The following RTN1 variants were observed in gnomAD, a reference collection of about 807,000 sequenced individuals.
RTN1 encodes reticulon 1, also known as reticulon-1.
A neutral mutation model predicts 65.5 loss-of-function variants in RTN1; 25 were observed. The observed-to-expected ratio is 0.38, with a 90% CI of 0.28 to 0.53. The LOEUF (loss-of-function observed/expected upper bound fraction) is 0.53, where lower values mean the gene tolerates loss of function less well. RTN1 is among the 20% of genes least tolerant of loss of function. The pLI is 0.79. For missense variants in RTN1, 983 were observed against 1,025.4 expected, an observed-to-expected ratio of 0.96 and a Z score of 0.57; for synonymous variants, 471 against 447.6, an observed-to-expected ratio of 1.05 and a Z score of -0.66.
intron 1 of RTN1, among the ~76,000 whole-genome samples, chr14:59,818,520 C>T (rs991505507): frequency 5.3e-5 from 8 of 152,304 alleles, no homozygotes; most frequent in East Asian, 1.9e-4. Context: ...ATTCAAAATA[C>T]TTATTTAATA....
Position 59,621,887 on chromosome 14 carries a change from T to C in RTN1, c.1766-14395A>G, listed in dbSNP as rs1882262848. Among the ~76,000 whole-genome samples, 3 of 152,354 alleles carry C rather than the reference T, an allele frequency of 2.0e-5. No homozygotes were observed. In the South Asian group the frequency reaches 6.2e-4, roughly 32 times the overall value. On this transcript the variant is annotated intron_variant, in intron 3 of 8. Transcript: ENST00000267484. The stretch of plus-strand genomic sequence containing the variant: ...TTTATTTATAAGGTAAAATGTGACA[T>C]AAGCGGATACTATAAAATAGCAATA...
intron 1 of RTN1, among the ~76,000 whole-genome samples, chr14:59,756,743 AT>A (rs1459119230): frequency 6.6e-6 from 1 of 152,020 alleles, no homozygotes; most frequent in African/African-American, 2.4e-5. Flanking sequence ...TGTACTATAA[AT>A]TTGTTTGCAC....
chr14:59,826,589 G>A (rs570616527), intron 1 of RTN1, among the ~76,000 whole-genome samples: 2 of 152,302 alleles, frequency 1.3e-5, no homozygotes, highest in African/African-American at 2.4e-5. Context: ...CTATGAGAAA[G>A]ACAAAGATCG....
rs191597188 is a variant in RTN1, at chr14:59,846,379, A to G, written c.241+24011T>C. On this transcript the variant is annotated intron_variant, in intron 1 of 8. Coordinates refer to ENST00000267484, the MANE Select transcript of RTN1 (RefSeq NM_021136.3). The surrounding 1 kb of genome is among the most constrained non-coding windows in gnomAD (Gnocchi z 4.8). ...CTCATCCCAGCACCCATATCTGTGC[A>G]GCCACAGCCCATGGATCAGAGTTGA... 1.4e-3 allele frequency among the ~76,000 whole-genome samples: 211 copies of G among 152,262 alleles called. No individual in the cohort carries two copies. Among genetic ancestry groups the G allele is most frequent in the African/African-American group, 4.7e-3 (197 of 41,534 alleles).
In RTN1 at chr14:59,596,800, T is replaced by C. The variant is rs561463598; in HGVS notation, c.2289-13A>G. The C allele has an allele frequency of 5.1e-5, 82 of 1,604,380 alleles. No homozygotes were observed. Among genetic ancestry groups the C allele is most frequent in the Non-Finnish European group, 6.0e-5 (70 of 1,171,316 alleles). ...TTTAGCCTGAATCCTAAAAAGACAG[T>C]ATCAAAAGGTAGTAAATCACAAGTG... On this transcript the variant is annotated splice_polypyrimidine_tract_variant and intron_variant, in intron 8 of 8. Coordinates refer to ENST00000267484, the MANE Select transcript of RTN1 (RefSeq NM_021136.3).
intron 1 of RTN1, among the ~76,000 whole-genome samples, chr14:59,795,560 T>C (rs187620784): frequency 6.6e-6 from 1 of 152,228 alleles, no homozygotes. Flanking sequence ...AAATTAAAAA[T>C]TAAAAATCAA....
intron 8 of RTN1, 32 bp from the exon 9 acceptor site, chr14:59,596,819 A>C: frequency 6.4e-7 from 1 of 1,570,176 alleles, no homozygotes; most frequent in African/African-American, 1.3e-5. Context: ...GTAGTAAATC[A>C]CAAGTGTTAT....
At chr14:59,814,811 G>A (rs1320499622) in intron 1 of RTN1, among the ~76,000 whole-genome samples, 1 of 152,180 alleles carries the variant, frequency 6.6e-6, no homozygotes, top group East Asian at 1.9e-4. Context: ...AGCTGAGGAG[G>A]ACAGCCAAAT....
intron 1 of RTN1, among the ~76,000 whole-genome samples, chr14:59,831,848 A>G (rs896043831): frequency 8.7e-5 from 13 of 150,222 alleles, no homozygotes. Flanking sequence ...TTCCCCCCTC[A>G]CTCTCTGTGG....
chr14:59,661,001 A>G (rs921082609), intron 3 of RTN1, among the ~76,000 whole-genome samples: 1 of 152,006 alleles, frequency 6.6e-6, no homozygotes, highest in Non-Finnish European at 1.5e-5. Flanking sequence ...CCAGACTAAT[A>G]AAGAAGAAAA....
At position 59,832,311 on chromosome 14, in the gene RTN1, C is replaced by CT. The variant is rs995791227; in HGVS notation, c.241+38078dup. 4.1e-3 allele frequency among the ~76,000 whole-genome samples: 613 copies of CT among 149,766 alleles called. 3 individuals are homozygous for CT. The highest frequency in any genetic ancestry group is 6.9e-3 in the Middle Eastern group (2 of 290). ...TAAGAAAAAATAAAGTTCCCTACAT[C>CT]TTTTTTTTTTCGTTCTTTCTATTAC... On this transcript the variant is annotated intron_variant, in intron 1 of 8. Transcript: ENST00000267484.
intron 3 of RTN1, among the ~76,000 whole-genome samples, chr14:59,709,983 C>T (rs1884380931): frequency 6.8e-6 from 1 of 147,948 alleles, no homozygotes. Flanking sequence ...CTCCCTCCCT[C>T]CCTTCCTTCC....
At chr14:59,659,309 A>T (rs554532146) in intron 3 of RTN1, among the ~76,000 whole-genome samples, 1 of 152,330 alleles carries the variant, frequency 6.6e-6, no homozygotes, top group East Asian at 1.9e-4. Flanking sequence ...AAGTTGGAAA[A>T]CACTCTTCAG....
chr14:59,624,928 T>C (rs1882353633), intron 3 of RTN1, among the ~76,000 whole-genome samples: 1 of 152,238 alleles, frequency 6.6e-6, no homozygotes, highest in Non-Finnish European at 1.5e-5. Flanking sequence ...CAACTCATAA[T>C]AGATCTGGTT....
At chr14:59,617,515 T>C (rs895864818) in intron 3 of RTN1, among the ~76,000 whole-genome samples, 3 of 152,248 alleles carry the variant, frequency 2.0e-5, no homozygotes, top group Non-Finnish European at 2.9e-5. Context: ...ATTCATTTTA[T>C]AAACAAACCA....
At chr14:59,853,010 A>T (rs1187807000) in intron 1 of RTN1, among the ~76,000 whole-genome samples, 1 of 152,210 alleles carries the variant, frequency 6.6e-6, no homozygotes, top group African/African-American at 2.4e-5. Context: ...ATTGAGTGAG[A>T]TTTTATTGAA....
intron 3 of RTN1, among the ~76,000 whole-genome samples, chr14:59,616,199 G>A (rs1374698632): frequency 6.6e-6 from 1 of 152,060 alleles, no homozygotes; most frequent in African/African-American, 2.4e-5. Flanking sequence ...TATATGCTCT[G>A]AAATTATGCA....
At chr14:59,819,367 A>G (rs949722268) in intron 1 of RTN1, among the ~76,000 whole-genome samples, 2 of 121,350 alleles carry the variant, frequency 1.6e-5, no homozygotes, top group African/African-American at 6.6e-5. Context: ...CAGAGAGCCG[A>G]TTGGTCCATT....
intron 1 of RTN1, among the ~76,000 whole-genome samples, chr14:59,809,269 C>A: frequency 6.6e-6 from 1 of 152,074 alleles, no homozygotes; most frequent in East Asian, 1.9e-4. Flanking sequence ...CTATGTAAAT[C>A]TCTTTTTGCT....
Sources: gnomAD v4.1 joint callset for allele counts (sites outside exome capture counted in the v4.1 genomes callset) on GRCh38, gnomAD v4.1.1 for gene constraint, Gnocchi (gnomAD v3.1) non-coding constraint, MANE v1.5 for transcripts, NCBI Gene and HGNC (gene_info 2026-07-23, HGNC 2026-07-21) for gene names.